PRPF8: variants seen among roughly 807,000 people sequenced by gnomAD.
PRPF8 encodes the protein pre-mRNA processing factor 8, also known as pre-mRNA-processing-splicing factor 8.
A neutral mutation model predicts 285.9 loss-of-function variants in PRPF8; 64 were observed. That is an observed-to-expected ratio of 0.22 (90% CI 0.18 to 0.28). The LOEUF (loss-of-function observed/expected upper bound fraction) is 0.28, where lower values mean the gene tolerates loss of function less well. Ranked by LOEUF, PRPF8 falls within the 10% of genes least tolerant of loss-of-function variation. The pLI is 1.00. For synonymous variants in PRPF8, 1,325 were observed against 1,118.2 expected (o/e 1.18, Z -3.69); for missense variants, 1,426 against 3,026.7 (o/e 0.47, Z 12.41).
Position 1,653,737 on chromosome 17 carries a change from C to T in PRPF8, c.6227+40G>A, listed in dbSNP as rs1911204739. 1 of 1,614,168 alleles carries T rather than the reference C, an allele frequency of 6.2e-7. No individual in the cohort carries two copies. The highest frequency in any genetic ancestry group is 8.5e-7 in the Non-Finnish European group (1 of 1,180,014). ...GCTCAGCCCAGCACCTTAGGTAGTG[C>T]AGCCGGCCTTTCCATCCCCACCCTC... On this transcript the variant is annotated intron_variant, in intron 38 of 42. Coordinates refer to ENST00000304992, the MANE Select transcript of PRPF8 (RefSeq NM_006445.4). The surrounding 1 kb of genome is among the most constrained non-coding windows in gnomAD (Gnocchi z 4.9).
chr17:1,653,504 G>A lies in PRPF8; in HGVS notation c.6369+38C>T. On this transcript the variant is annotated intron_variant, in intron 39 of 42. Transcript: ENST00000304992. This position sits in a 1 kb window ranked among gnomAD's most constrained non-coding sequence, Gnocchi z 4.9. Reference sequence around the variant, plus strand: ...CTGAGTTTTAGGCACAAAATGAGTTGGGCACACACTGTGGCCTAGCTGAGT... The same window carrying A: ...CTGAGTTTTAGGCACAAAATGAGTTAGGCACACACTGTGGCCTAGCTGAGT... 1 of 1,613,804 alleles carries A rather than the reference G, an allele frequency of 6.2e-7. No homozygotes were observed. The highest frequency in any genetic ancestry group is 1.1e-5 in the South Asian group (1 of 91,070).
In PRPF8 at chr17:1,670,265, A is replaced by T. The variant is rs1047081110; in HGVS notation, c.3774+2816T>A. Among the ~76,000 whole-genome samples the T allele has an allele frequency of 2.6e-5, 4 of 152,300 alleles. No individual in the cohort carries two copies. The South Asian group carries it at 8.3e-4, about 32-fold the overall frequency. Reference sequence around the variant, plus strand: ...CTTCAAACTTTATATATCCTAAACTAGATTTCTTTATCTTCGATCCTAAAC... The same window carrying T: ...CTTCAAACTTTATATATCCTAAACTTGATTTCTTTATCTTCGATCCTAAAC... On this transcript the variant is annotated intron_variant, in intron 24 of 42. Transcript: ENST00000304992.
At position 1,662,127 on chromosome 17, in the gene PRPF8, G is replaced by A. The variant is rs529266484; in HGVS notation, c.3801C>T (p.Leu1267=). 4 of 1,614,178 alleles carry A rather than the reference G, an allele frequency of 2.5e-6. No individual in the cohort carries two copies. The South Asian group carries it at 4.4e-5, about 18-fold the overall frequency. The change falls in exon 25 of 43, where the codon CTC becomes CTT. Residue 1267 remains leucine, a synonymous_variant. Transcript: ENST00000304992. The part of the protein sequence containing the change: ...TKIVNKWNTA[L]IGLMTYFREA... ...CCCGAAAGTATGTCATAAGGCCAAT[G>A]AGAGCTGTATTCCACTTATTCACAA...
chr17:1,660,645 C>T, intron 29 of PRPF8, 53 bp downstream of exon 29: 1 of 1,614,218 alleles, frequency 6.2e-7, no homozygotes, highest in Non-Finnish European at 8.5e-7. Flanking sequence ...ATAACCAAGG[C>T]AAGAAGCAGC....
At chr17:1,677,995 A>G (rs1912697767) in intron 13 of PRPF8, among the ~76,000 whole-genome samples, 1 of 152,152 alleles carries the variant, frequency 6.6e-6, no homozygotes, top group Admixed American at 6.6e-5. Flanking sequence ...GTCTAAATGT[A>G]TACATGAAAA....
rs116784947 is a variant in PRPF8, at chr17:1,658,859, G to C, written c.5139-96C>G. 3.4e-5 allele frequency: 37 copies of C among 1,100,560 alleles called. No homozygotes were observed. Among genetic ancestry groups the C allele is most frequent in the South Asian group, 1.3e-4 (10 of 78,248 alleles). The allele number at this position is 1,100,560 out of a possible 1,614,324, so 68.2% of individuals were successfully genotyped here. Reference sequence around the variant, plus strand: ...CTCTACAGAGGAAGAAAGACTGTTCGCCAGGCTGACAACACTCTGCTCATG... The same window carrying C: ...CTCTACAGAGGAAGAAAGACTGTTCCCCAGGCTGACAACACTCTGCTCATG... On this transcript the variant is annotated intron_variant, in intron 32 of 42. Coordinates refer to ENST00000304992, the MANE Select transcript of PRPF8 (RefSeq NM_006445.4). This position sits in a 1 kb window ranked among gnomAD's most constrained non-coding sequence, Gnocchi z 4.1.
rs1168839844 is a variant in PRPF8 at position 1,659,793 on chromosome 17, A to G, written c.4946+48T>C. ...AAAGTTGCAGGGCTAGAAGAACAGGAAAACGAAAGTGTCCTGGCTGCCTAG... is the reference window on the plus strand; with the variant it reads ...AAAGTTGCAGGGCTAGAAGAACAGGGAAACGAAAGTGTCCTGGCTGCCTAG... On this transcript the variant is annotated intron_variant, in intron 31 of 42. Coordinates refer to ENST00000304992, the MANE Select transcript of PRPF8 (RefSeq NM_006445.4). This position sits in a 1 kb window ranked among gnomAD's most constrained non-coding sequence, Gnocchi z 5.1. 4 of 1,602,454 alleles carry G rather than the reference A, an allele frequency of 2.5e-6. No homozygotes were observed. Among genetic ancestry groups the G allele is most frequent in the Non-Finnish European group, 3.4e-6 (4 of 1,170,686 alleles).
In PRPF8 at chr17:1,676,143, CTG is replaced by C. The variant is rs1417150196; in HGVS notation, c.2552+62_2552+63del. 3.5e-5 allele frequency: 57 copies of C among 1,612,062 alleles called. No homozygotes were observed. The highest frequency in any genetic ancestry group is 4.7e-5 in the Non-Finnish European group (55 of 1,179,900). On this transcript the variant is annotated intron_variant, in intron 17 of 42. Coordinates refer to ENST00000304992, the MANE Select transcript of PRPF8 (RefSeq NM_006445.4). This position sits in a 1 kb window ranked among gnomAD's most constrained non-coding sequence, Gnocchi z 6.3. ...GGGCTACACCTTCTTTCTTTGGACT[CTG>C]AGGATGACGCCATTCCCTGCTGTCA... is the stretch of plus-strand genomic sequence containing the variant.
At chr17:1,684,109 A>G (rs925026056) in intron 2 of PRPF8, among the ~76,000 whole-genome samples, 1 of 151,526 alleles carries the variant, frequency 6.6e-6, no homozygotes, top group Non-Finnish European at 1.5e-5. Context: ...CTGGTCTCGA[A>G]CTCCTGACCT....
rs1417753621 is a variant in PRPF8, at chr17:1,653,620, G to C, written c.6291C>G (p.Ile2097Met). The C allele has an allele frequency of 6.2e-7, 1 of 1,614,178 alleles. No homozygotes were observed. Among genetic ancestry groups the C allele is most frequent in the East Asian group, 2.2e-5 (1 of 44,886 alleles). Residue 2097 changes from isoleucine to methionine, a missense_variant, in exon 39 of 43, where the codon ATC (isoleucine) becomes ATG (methionine). Ile to Met is a conservative substitution (Grantham distance 10). Coordinates refer to ENST00000304992, the MANE Select transcript of PRPF8 (RefSeq NM_006445.4). The surrounding 1 kb of genome is among the most constrained non-coding windows in gnomAD (Gnocchi z 4.9). ...GGATGTAGGTGTAGCCAGTCTCCTT[G>C]ATGTCGTCAGATGAAACATAGATGT... ...TNHIYVSSDDIKETGYTYILP... is the reference protein window; with the variant it reads ...TNHIYVSSDDMKETGYTYILP...
chr17:1,674,786 C>T (rs1254681514), intron 20 of PRPF8, 106 bp from the exon 21 acceptor site: 1 of 1,220,474 alleles, frequency 8.2e-7, no homozygotes, highest in East Asian at 2.3e-5. Flanking sequence ...TTTTTCCACT[C>T]CCGAGGCGGA....
At chr17:1,660,908 GA>G in intron 28 of PRPF8, 81 bp from the exon 29 acceptor site, 1 of 1,612,482 alleles carries the variant, frequency 6.2e-7, no homozygotes, top group Non-Finnish European at 8.5e-7. Flanking sequence ...GGCTGTCTGG[GA>G]AACACCACAG....
At chr17:1,674,716 GC>G in intron 20 of PRPF8, 36 bp from the exon 21 acceptor site, 1 of 1,590,482 alleles carries the variant, frequency 6.3e-7, no homozygotes, top group Non-Finnish European at 8.6e-7. Flanking sequence ...AAGAATGTGA[GC>G]CATGCCCCAG....
At chr17:1,666,236 G>T (rs1292787199) in intron 24 of PRPF8, among the ~76,000 whole-genome samples, 1 of 151,632 alleles carries the variant, frequency 6.6e-6, no homozygotes, top group Non-Finnish European at 1.5e-5. Context: ...GCAAAGGGAT[G>T]GCAATGATAA....
chr17:1,659,768 A>G lies in PRPF8; in HGVS notation c.4946+73T>C, dbSNP rs921028621. ...AACAAAGGCAGACAGGACAATTCCT[A>G]AAGTTGCAGGGCTAGAAGAACAGGA... On this transcript the variant is annotated intron_variant, in intron 31 of 42. Coordinates refer to ENST00000304992, the MANE Select transcript of PRPF8 (RefSeq NM_006445.4). The surrounding 1 kb of genome is among the most constrained non-coding windows in gnomAD (Gnocchi z 5.1). 9 of 1,561,640 alleles carry G rather than the reference A, an allele frequency of 5.8e-6. No individual in the cohort carries two copies. The highest frequency in any genetic ancestry group is 1.4e-5 in the African/African-American group (1 of 73,688).
intron 24 of PRPF8, among the ~76,000 whole-genome samples, chr17:1,662,785 C>T (rs367889460): frequency 6.9e-6 from 1 of 145,732 alleles, no homozygotes; most frequent in South Asian, 2.2e-4. Flanking sequence ...GAGCTGAGAT[C>T]GCACCACTGC....
Position 1,673,543 on chromosome 17 carries a change from G to C in PRPF8, c.3471C>G (p.Ile1157Met). The C allele has an allele frequency of 6.2e-7, 1 of 1,614,128 alleles. No homozygotes were observed. Among genetic ancestry groups the C allele is most frequent in the African/African-American group, 1.3e-5 (1 of 75,030 alleles). Residue 1157 changes from isoleucine (I) to methionine (M), a missense_variant, in exon 23 of 43, where the codon ATC (isoleucine) becomes ATG (methionine). By Grantham distance (10) the Ile-to-Met change is conservative. Coordinates refer to ENST00000304992, the MANE Select transcript of PRPF8 (RefSeq NM_006445.4). The surrounding 1 kb of genome is among the most constrained non-coding windows in gnomAD (Gnocchi z 5.5). ...TCACTGACCGTGGCAAGCGGTTCTT[G>C]ATGTCCCAGAATACCGCCCGGCCTC... ...VNLGRAVFWD[I>M]KNRLPRSVTT...
intron 13 of PRPF8, 76 bp downstream of exon 13, chr17:1,678,442 C>G: frequency 6.3e-7 from 1 of 1,591,212 alleles, no homozygotes; most frequent in South Asian, 1.1e-5. Context: ...AAGATCGTGC[C>G]ATTGCACACC....
Position 1,651,832 on chromosome 17 carries a change from G to A in PRPF8, c.6370-44C>T, listed in dbSNP as rs375509170. 1.4e-4 allele frequency: 222 copies of A among 1,605,282 alleles called. No individual in the cohort carries two copies. Among genetic ancestry groups the A allele is most frequent in the Non-Finnish European group, 1.7e-4 (205 of 1,172,926 alleles). On this transcript the variant is annotated intron_variant, in intron 39 of 42. Transcript: ENST00000304992. This position sits in a 1 kb window ranked among gnomAD's most constrained non-coding sequence, Gnocchi z 5.1. Reference sequence around the variant, plus strand: ...GGAACCAAAACTCTTCTTAGTACCAGGTCAGAGTTGGAGCTGCCAGCCCTC... The same window carrying A: ...GGAACCAAAACTCTTCTTAGTACCAAGTCAGAGTTGGAGCTGCCAGCCCTC...
Sources: gnomAD v4.1 joint callset for allele counts (sites outside exome capture counted in the v4.1 genomes callset) on GRCh38, gnomAD v4.1.1 for gene constraint, Gnocchi (gnomAD v3.1) non-coding constraint, MANE v1.5 for transcripts, NCBI Gene and HGNC (gene_info 2026-07-23, HGNC 2026-07-21) for gene names.